UVRAG: variants seen among roughly 807,000 people sequenced by gnomAD.
UVRAG encodes the protein UV radiation resistance associated, also known as UV radiation resistance-associated gene protein.
A neutral mutation model predicts 78.0 loss-of-function variants in UVRAG; 19 were observed. That is an observed-to-expected ratio of 0.24 (90% CI 0.17 to 0.36). The LOEUF (loss-of-function observed/expected upper bound fraction) is 0.36. Among genes scored for constraint, UVRAG ranks in the 10% least tolerant of loss-of-function variants. UVRAG has a pLI of 1.00. For synonymous variants in UVRAG, 323 were observed against 324.6 expected, an observed-to-expected ratio of 1.00 and a Z score of 0.05; for missense variants, 740 against 853.8, an observed-to-expected ratio of 0.87 and a Z score of 1.66.
At chr11:75,988,833 T>A (rs944918384) in intron 8 of UVRAG, among the ~76,000 whole-genome samples, 1 of 152,212 alleles carries the variant, frequency 6.6e-6, no homozygotes, top group Non-Finnish European at 1.5e-5. Flanking sequence ...GCATCTTTTC[T>A]TGTGCTTATC....
chr11:76,140,883 A>G lies in UVRAG; in HGVS notation c.1570A>G (p.Asn524Asp). 1 of 1,614,184 alleles carries G rather than the reference A, an allele frequency of 6.2e-7. No individual in the cohort carries two copies. Residue 524 changes from asparagine to aspartate, a missense_variant, in exon 15 of 15, where the codon AAC (asparagine) becomes GAC (aspartate). Coordinates refer to ENST00000356136, the MANE Select transcript of UVRAG (RefSeq NM_003369.4). ...GTACAAAACCCCTCCTCCCAGTTAC[A>G]ACTCAGCATTAGCCCAGCCTGTGAC... ...LQYKTPPPSY[N>D]SALAQPVTTV...
intron 6 of UVRAG, among the ~76,000 whole-genome samples, chr11:75,920,029 T>G (rs1366527627): frequency 5.2e-5 from 6 of 115,746 alleles, no homozygotes; most frequent in African/African-American, 2.3e-4. Flanking sequence ...TTTTTTTTTT[T>G]TTTTTTTTTT....
rs1190242239 is a variant in UVRAG, at chr11:76,142,399, A to T, written c.*986A>T. ...AGAGAGTTGGGGTGTCTGGTAGGCAAACTGCAAGGCAGTTGAGATAGTTGG... is the reference window on the plus strand; with the variant it reads ...AGAGAGTTGGGGTGTCTGGTAGGCATACTGCAAGGCAGTTGAGATAGTTGG... On this transcript the variant is annotated 3_prime_UTR_variant, in exon 15 of 15. Coordinates refer to ENST00000356136, the MANE Select transcript of UVRAG (RefSeq NM_003369.4). 3.3e-5 allele frequency: 5 copies of T among 152,442 alleles called. No homozygotes were observed. The highest frequency in any genetic ancestry group is 7.3e-5 in the Non-Finnish European group (5 of 68,032). 9.4% of individuals were successfully genotyped at this position (152,442 alleles called of 1,614,324 possible).
chr11:75,976,158 C>G (rs1463608395), intron 7 of UVRAG, among the ~76,000 whole-genome samples: 3 of 151,774 alleles, frequency 2.0e-5, no homozygotes, highest in African/African-American at 2.4e-5. Context: ...TGTTTATATG[C>G]TGGATTACGT....
chr11:75,999,250 A>AAAAGAT (rs1554975480), intron 8 of UVRAG, among the ~76,000 whole-genome samples: 15 of 147,440 alleles, frequency 1.0e-4, no homozygotes, highest in Non-Finnish European at 8.9e-5. Flanking sequence ...AAAAAAAAAA[A>AAAAGAT]AGTCAACTTT....
intron 3 of UVRAG, among the ~76,000 whole-genome samples, chr11:75,870,162 C>CT (rs575199424): frequency 1.2e-3 from 177 of 152,282 alleles, no homozygotes; most frequent in Non-Finnish European, 2.1e-3. Flanking sequence ...CTGCCTGTAT[C>CT]TGAATGTACC....
At chr11:75,857,860 G>A (rs185136988) in intron 2 of UVRAG, among the ~76,000 whole-genome samples, 13 of 150,254 alleles carry the variant, frequency 8.7e-5, no homozygotes, top group African/African-American at 2.5e-4. Flanking sequence ...CTCAGAGAAA[G>A]TCTCCTTGAT....
chr11:75,951,571 A>G (rs572793435), intron 6 of UVRAG, among the ~76,000 whole-genome samples: 37 of 152,132 alleles, frequency 2.4e-4, no homozygotes, highest in African/African-American at 8.9e-4. Context: ...TAGTAGACAC[A>G]GTGTTTCTCA....
At chr11:75,866,944 G>C (rs1398635957) in intron 3 of UVRAG, among the ~76,000 whole-genome samples, 1 of 152,062 alleles carries the variant, frequency 6.6e-6, no homozygotes, top group Non-Finnish European at 1.5e-5. Flanking sequence ...TGTTACTTTG[G>C]AGTTTCTTCA....
At chr11:75,922,992 A>G in intron 6 of UVRAG, among the ~76,000 whole-genome samples, 1 of 144,504 alleles carries the variant, frequency 6.9e-6, no homozygotes, top group South Asian at 2.1e-4. Flanking sequence ...ATATATATAC[A>G]TATATTTTTT....
intron 11 of UVRAG, among the ~76,000 whole-genome samples, chr11:76,009,627 G>A (rs935361207): frequency 1.3e-5 from 2 of 152,074 alleles, no homozygotes; most frequent in Non-Finnish European, 2.9e-5. Flanking sequence ...GTTTTGATCA[G>A]GACTTTCATT....
At chr11:76,062,726 A>G (rs1166795060) in intron 12 of UVRAG, among the ~76,000 whole-genome samples, 3 of 152,168 alleles carry the variant, frequency 2.0e-5, no homozygotes, top group African/African-American at 7.2e-5. Context: ...TCCACTTCCT[A>G]CTTAGGTGAC....
chr11:75,919,951 A>C (rs1947938025), intron 6 of UVRAG, among the ~76,000 whole-genome samples: 1 of 150,056 alleles, frequency 6.7e-6, no homozygotes, highest in Non-Finnish European at 1.5e-5. Context: ...ATAAGAAAGC[A>C]GGCACATAGA....
chr11:75,938,987 C>CG (rs1306978291), intron 6 of UVRAG, among the ~76,000 whole-genome samples: 1 of 152,082 alleles, frequency 6.6e-6, no homozygotes, highest in African/African-American at 2.4e-5. Flanking sequence ...AGCATTAAGC[C>CG]GGGGCAATTG....
chr11:75,828,010 A>C (rs1214519401), intron 1 of UVRAG, among the ~76,000 whole-genome samples: 1 of 152,162 alleles, frequency 6.6e-6, no homozygotes, highest in Non-Finnish European at 1.5e-5. Flanking sequence ...AAGTAGCAAC[A>C]TGAAGAAAGC....
intron 13 of UVRAG, among the ~76,000 whole-genome samples, chr11:76,071,391 T>C (rs1951305300): frequency 6.6e-6 from 1 of 152,152 alleles, no homozygotes; most frequent in Non-Finnish European, 1.5e-5. Context: ...GGAAGGCTGA[T>C]GTGGCAGGAG....
At chr11:76,091,128 G>A (rs1235072864) in intron 13 of UVRAG, among the ~76,000 whole-genome samples, 1 of 152,082 alleles carries the variant, frequency 6.6e-6, no homozygotes, top group Non-Finnish European at 1.5e-5. Flanking sequence ...ATTCTTCTCT[G>A]ACTGAAATGG....
At chr11:76,059,419 T>G (rs1348209387) in intron 12 of UVRAG, among the ~76,000 whole-genome samples, 2 of 152,220 alleles carry the variant, frequency 1.3e-5, no homozygotes, top group Admixed American at 1.3e-4. Context: ...CATTAAGGAT[T>G]CTGGCTAGGT....
At chr11:76,072,670 A>G (rs1951336531) in intron 13 of UVRAG, among the ~76,000 whole-genome samples, 1 of 152,234 alleles carries the variant, frequency 6.6e-6, no homozygotes, top group Non-Finnish European at 1.5e-5. Context: ...GTGAAGATGA[A>G]TTGGCCATCT....
Sources: gnomAD v4.1 joint callset for allele counts (sites outside exome capture counted in the v4.1 genomes callset) on GRCh38, gnomAD v4.1.1 for gene constraint, MANE v1.5 for transcripts, NCBI Gene and HGNC (gene_info 2026-07-23, HGNC 2026-07-21) for gene names.